Variants in MAML3 observed in about 807,000 individuals in gnomAD.
MAML3 encodes mastermind like transcriptional coactivator 3.
A neutral mutation model predicts 101.9 loss-of-function variants in MAML3; 27 were observed. That is an observed-to-expected ratio of 0.27 (90% CI 0.20 to 0.37). The LOEUF (loss-of-function observed/expected upper bound fraction) is 0.37. Ranked by LOEUF, MAML3 falls within the 10% of genes least tolerant of loss-of-function variation. The probability of loss-of-function intolerance (pLI) is 1.00; values close to 1 mark genes in which losing one functional copy is unlikely to be tolerated. For missense variants in MAML3, 1,316 were observed against 1,444.9 expected, an observed-to-expected ratio of 0.91 and a Z score of 1.45; for synonymous variants, 501 against 555.9, an observed-to-expected ratio of 0.90 and a Z score of 1.39.
chr4:139,744,665 G>A (rs930491937), intron 2 of MAML3, among the ~76,000 whole-genome samples: 1 of 152,176 alleles, frequency 6.6e-6, no homozygotes, highest in African/African-American at 2.4e-5. Context: ...ACAATGGCAG[G>A]GGCTATGGTG....
intron 2 of MAML3, among the ~76,000 whole-genome samples, chr4:139,873,256 T>C (rs1458851635): frequency 6.6e-6 from 1 of 152,216 alleles, no homozygotes; most frequent in Non-Finnish European, 1.5e-5. Context: ...AAATTTCTGG[T>C]ATGTTTGGAG....
At chr4:139,966,542 A>G (rs1352694892) in intron 1 of MAML3, among the ~76,000 whole-genome samples, 1 of 152,174 alleles carries the variant, frequency 6.6e-6, no homozygotes, top group African/African-American at 2.4e-5. Flanking sequence ...AGGATTATTA[A>G]TAGGATGGGC....
intron 2 of MAML3, among the ~76,000 whole-genome samples, chr4:139,734,107 A>T (rs750745365): frequency 3.0e-4 from 46 of 152,234 alleles, no homozygotes; most frequent in Non-Finnish European, 6.5e-4. Context: ...TCTGAGGTGT[A>T]TTCCAAAGTG....
intron 1 of MAML3, among the ~76,000 whole-genome samples, chr4:140,089,497 G>A (rs1396216693): frequency 1.3e-5 from 2 of 152,144 alleles, no homozygotes; most frequent in African/African-American, 4.8e-5. Context: ...CTTCACCTGG[G>A]AAATGAGAAT....
intron 2 of MAML3, among the ~76,000 whole-genome samples, chr4:139,847,657 ATACT>A (rs1044463644): frequency 2.6e-5 from 4 of 152,248 alleles, no homozygotes; most frequent in African/African-American, 9.6e-5. Context: ...ATCTTCAAAA[ATACT>A]TTCTAGCTAT....
In MAML3 at chr4:140,153,624, A is replaced by C; in HGVS notation, c.-297T>G. 2.7e-6 allele frequency: 1 copy of C among 364,312 alleles called. No homozygotes were observed. Among genetic ancestry groups the C allele is most frequent in the Non-Finnish European group, 4.9e-6 (1 of 204,218 alleles). 22.6% of individuals were successfully genotyped at this position (364,312 alleles called of 1,614,324 possible). ...TCACAACAAACTGAGCCAGCAGCAA[A>C]TCGGGTTGCAACTCAAGGGGAGATC... On this transcript the variant is annotated 5_prime_UTR_variant, in exon 1 of 5. Transcript: ENST00000509479.
chr4:140,019,542 T>G (rs1455836238), intron 1 of MAML3, among the ~76,000 whole-genome samples: 2 of 152,204 alleles, frequency 1.3e-5, no homozygotes, highest in African/African-American at 2.4e-5. Flanking sequence ...AGCTCCTCAT[T>G]CACCCAGATG....
At chr4:139,933,090 A>T (rs1733433920) in intron 1 of MAML3, among the ~76,000 whole-genome samples, 1 of 152,178 alleles carries the variant, frequency 6.6e-6, no homozygotes, top group African/African-American at 2.4e-5. Context: ...AAACTAAGAA[A>T]TTCCTATGAG....
chr4:140,088,554 C>T (rs1727994817), intron 1 of MAML3, among the ~76,000 whole-genome samples: 1 of 152,102 alleles, frequency 6.6e-6, no homozygotes, highest in Admixed American at 6.5e-5. Context: ...AGTCTTTGTC[C>T]TATTCTACGT....
At chr4:139,818,338 T>G (rs1239847060) in intron 2 of MAML3, among the ~76,000 whole-genome samples, 1 of 152,254 alleles carries the variant, frequency 6.6e-6, no homozygotes, top group African/African-American at 2.4e-5. Flanking sequence ...CATTAATGTC[T>G]GTTTTTGTGG....
At chr4:139,817,284 A>G (rs1730907769) in intron 2 of MAML3, among the ~76,000 whole-genome samples, 1 of 152,208 alleles carries the variant, frequency 6.6e-6, no homozygotes, top group Admixed American at 6.5e-5. Context: ...ACTCACTTCC[A>G]TCTCCATTTG....
chr4:140,020,758 T>C (rs1726719164), intron 1 of MAML3, among the ~76,000 whole-genome samples: 1 of 152,050 alleles, frequency 6.6e-6, no homozygotes, highest in Non-Finnish European at 1.5e-5. Flanking sequence ...GACAGTGAAA[T>C]TGCAAAACTT....
At position 139,981,347 on chromosome 4, in the gene MAML3, G is replaced by A. The variant is rs532338598; in HGVS notation, c.469-90380C>T. ...CTTTAAAGCCCTTATATGCAAGTAT[G>A]GTTCTATTCTGAGGTACTAGGGCTT... On this transcript the variant is annotated intron_variant, in intron 1 of 4. Transcript: ENST00000509479. Among the ~76,000 whole-genome samples, 8 of 152,252 alleles carry A rather than the reference G, an allele frequency of 5.3e-5. No individual in the cohort carries two copies. The Middle Eastern group carries it at 0.01, about 194-fold the overall frequency.
chr4:139,871,401 C>A (rs978242373), intron 2 of MAML3, among the ~76,000 whole-genome samples: 2 of 152,136 alleles, frequency 1.3e-5, no homozygotes, highest in Non-Finnish European at 2.9e-5. Context: ...GTTTGGAAGT[C>A]AAATTTGACG....
chr4:140,072,160 A>G (rs1727670598), intron 1 of MAML3, among the ~76,000 whole-genome samples: 1 of 152,190 alleles, frequency 6.6e-6, no homozygotes, highest in Non-Finnish European at 1.5e-5. Context: ...TTCTCTAGAC[A>G]TGAGTGCAGT....
At chr4:140,091,173 G>A (rs1016179154) in intron 1 of MAML3, among the ~76,000 whole-genome samples, 4 of 152,136 alleles carry the variant, frequency 2.6e-5, no homozygotes, top group Non-Finnish European at 5.9e-5. Flanking sequence ...CATGAAGTCT[G>A]CATAGCAAAA....
At chr4:139,965,904 C>A (rs1734120901) in intron 1 of MAML3, among the ~76,000 whole-genome samples, 1 of 152,160 alleles carries the variant, frequency 6.6e-6, no homozygotes, top group African/African-American at 2.4e-5. Flanking sequence ...TATAAGAACA[C>A]AAAAGCACAG....
intron 1 of MAML3, among the ~76,000 whole-genome samples, chr4:139,952,081 C>T (rs564778559): frequency 6.6e-6 from 1 of 152,254 alleles, no homozygotes; most frequent in South Asian, 2.1e-4. Context: ...AGGAGAATCG[C>T]TTGAACCCAG....
chr4:140,142,915 A>G (rs1362095690), intron 1 of MAML3, among the ~76,000 whole-genome samples: 1 of 152,250 alleles, frequency 6.6e-6, no homozygotes, highest in East Asian at 1.9e-4. Flanking sequence ...AAGGGGGGAA[A>G]GAAAGACAAT....
Sources: allele counts gnomAD v4.1 joint callset (sites outside exome capture counted in the v4.1 genomes callset), GRCh38; gene constraint gnomAD v4.1.1; transcripts MANE v1.5; gene names NCBI Gene and HGNC (gene_info 2026-07-23, HGNC 2026-07-21).